The following ZFHX4 variants were observed in gnomAD, a reference collection of about 807,000 sequenced individuals.
The protein encoded by ZFHX4 is zinc finger homeobox protein 4.
In ZFHX4, 56 loss-of-function variants were observed where a neutral mutation model predicts 267.6. That is an observed-to-expected ratio of 0.21 (90% CI 0.17 to 0.26). ZFHX4 has a LOEUF of 0.26. ZFHX4 is among the 10% of genes least tolerant of loss of function. ZFHX4 has a pLI of 1.00. For synonymous variants in ZFHX4, 1,778 were observed against 1,665.6 expected (o/e 1.07, Z -1.64); for missense variants, 4,332 against 4,420.0 (o/e 0.98, Z 0.56).
intron 9 of ZFHX4, 103 bp downstream of exon 9, chr8:76,850,465 T>C (rs1812485413): frequency 7.2e-6 from 7 of 970,888 alleles, no homozygotes; most frequent in African/African-American, 4.9e-5. Flanking sequence ...TCGTAAAGCA[T>C]AGGGGAAAAA....
At chr8:76,716,670 G>A (rs1251112735) in intron 3 of ZFHX4, among the ~76,000 whole-genome samples, 1 of 152,154 alleles carries the variant, frequency 6.6e-6, no homozygotes, top group Non-Finnish European at 1.5e-5. Context: ...TATTGCAGAT[G>A]TAGTAAGAGC....
chr8:76,862,760 CAA>C (rs1203007548), intron 10 of ZFHX4, among the ~76,000 whole-genome samples: 1 of 152,046 alleles, frequency 6.6e-6, no homozygotes, highest in East Asian at 1.9e-4. Context: ...CAAGGTGTAT[CAA>C]TTGGAAGGAA....
intron 6 of ZFHX4, among the ~76,000 whole-genome samples, chr8:76,847,910 C>T (rs2131930555): frequency 6.6e-6 from 1 of 152,086 alleles, no homozygotes; most frequent in East Asian, 1.9e-4. Context: ...TACGCCTGGA[C>T]TATATATTTA....
At chr8:76,719,514 C>CT (rs758788599) in intron 3 of ZFHX4, among the ~76,000 whole-genome samples, 86 of 150,552 alleles carry the variant, frequency 5.7e-4, no homozygotes, top group Non-Finnish European at 9.3e-4. Context: ...GACAGTAAGC[C>CT]TTTTCTTTTT....
intron 3 of ZFHX4, among the ~76,000 whole-genome samples, chr8:76,732,154 T>C (rs1373871655): frequency 6.6e-6 from 1 of 152,022 alleles, no homozygotes; most frequent in Non-Finnish European, 1.5e-5. Context: ...GATCACATTT[T>C]TGTAAGGAGT....
rs992592623 is a variant in ZFHX4, at chr8:76,850,005, T to C, written c.3847-240T>C. 8.4e-5 allele frequency: 48 copies of C among 571,548 alleles called. No homozygotes were observed. In the East Asian group the frequency reaches 1.4e-3, roughly 16 times the overall value. 35.4% of individuals were successfully genotyped at this position (571,548 alleles called of 1,614,324 possible). A position where few individuals can be genotyped will look rare whatever the true frequency, so the allele number is the denominator to read the frequency against. On this transcript the variant is annotated intron_variant, in intron 8 of 10. Transcript: ENST00000651372. ...CACCTTGCATTTCAAACTTGCTTCA[T>C]TATCATTATAAAAAAATAAACCTAC...
At chr8:76,730,099 G>T (rs1808960862) in intron 3 of ZFHX4, among the ~76,000 whole-genome samples, 1 of 152,094 alleles carries the variant, frequency 6.6e-6, no homozygotes, top group Non-Finnish European at 1.5e-5. Flanking sequence ...TGAATTAAAA[G>T]ATTCTAGAAA....
At chr8:76,728,525 A>G (rs932400503) in intron 3 of ZFHX4, among the ~76,000 whole-genome samples, 3 of 152,212 alleles carry the variant, frequency 2.0e-5, no homozygotes, top group Non-Finnish European at 4.4e-5. Context: ...GAACTAGTAA[A>G]AGGTATAGTT....
intron 3 of ZFHX4, among the ~76,000 whole-genome samples, chr8:76,710,607 AT>A (rs901605135): frequency 2.0e-5 from 3 of 152,192 alleles, no homozygotes; most frequent in Non-Finnish European, 4.4e-5. Context: ...AATTTACATC[AT>A]TTTGCATCAT....
At chr8:76,717,396 T>C (rs1808604961) in intron 3 of ZFHX4, among the ~76,000 whole-genome samples, 1 of 152,110 alleles carries the variant, frequency 6.6e-6, no homozygotes, top group African/African-American at 2.4e-5. Context: ...TTTGGAGAAA[T>C]CTTGCCTCCC....
chr8:76,778,163 C>G, intron 3 of ZFHX4, 45 bp from the exon 4 acceptor site: 2 of 1,308,174 alleles, frequency 1.5e-6, no homozygotes, highest in African/African-American at 2.9e-5. Flanking sequence ...TGTTATCCAC[C>G]ATGGAGCTAG....
intron 3 of ZFHX4, among the ~76,000 whole-genome samples, chr8:76,712,246 C>A (rs1808444979): frequency 6.6e-6 from 1 of 152,034 alleles, no homozygotes; most frequent in Non-Finnish European, 1.5e-5. Flanking sequence ...TTCTCATTAT[C>A]CATGTTATGG....
chr8:76,788,711 A>G (rs1028109652), intron 4 of ZFHX4, among the ~76,000 whole-genome samples: 1 of 152,186 alleles, frequency 6.6e-6, no homozygotes, highest in African/African-American at 2.4e-5. Context: ...CACTTACATT[A>G]TGAGATCTAT....
At chr8:76,803,263 C>CGTGTGTGTGT (rs112457236) in intron 4 of ZFHX4, among the ~76,000 whole-genome samples, 1 of 147,440 alleles carries the variant, frequency 6.8e-6, no homozygotes, top group Non-Finnish European at 1.5e-5. Flanking sequence ...CGCGTGTGTG[C>CGTGTGTGTGT]GTGTGTGTGT....
chr8:76,760,072 A>T (rs1285604182), intron 3 of ZFHX4, among the ~76,000 whole-genome samples: 1 of 152,210 alleles, frequency 6.6e-6, no homozygotes, highest in East Asian at 1.9e-4. Flanking sequence ...TAAAGATCCC[A>T]TAATTTTTTT....
chr8:76,689,869 A>C (rs1407884616), intron 1 of ZFHX4, among the ~76,000 whole-genome samples: 2 of 152,136 alleles, frequency 1.3e-5, no homozygotes, highest in African/African-American at 4.8e-5. Flanking sequence ...TAAGCAGCTT[A>C]TCTCTAATAT....
At chr8:76,758,948 T>C (rs1356188201) in intron 3 of ZFHX4, among the ~76,000 whole-genome samples, 2 of 152,196 alleles carry the variant, frequency 1.3e-5, no homozygotes, top group Non-Finnish European at 2.9e-5. Flanking sequence ...TGGGAATGTA[T>C]TTTGAAAATA....
At chr8:76,718,586 CT>C (rs773744883) in intron 3 of ZFHX4, among the ~76,000 whole-genome samples, 1 of 152,014 alleles carries the variant, frequency 6.6e-6, no homozygotes, top group Non-Finnish European at 1.5e-5. Context: ...TTACAAATAA[CT>C]TTTTTTCAGA....
intron 1 of ZFHX4, chr8:76,683,820 TGAGA>T (rs1190361649): frequency 6.7e-6 from 1 of 150,182 alleles, no homozygotes. Context: ...GATGGAAGAG[TGAGA>T]GAGAGGCTGC....
Sources: gnomAD v4.1 joint callset for allele counts (sites outside exome capture counted in the v4.1 genomes callset) on GRCh38, gnomAD v4.1.1 for gene constraint, MANE v1.5 for transcripts, NCBI Gene and HGNC (gene_info 2026-07-23, HGNC 2026-07-21) for gene names.